HIVEP1: variants seen among roughly 807,000 people sequenced by gnomAD.
HIVEP1 encodes the protein zinc finger protein 40.
In HIVEP1, 36 loss-of-function variants were observed where a neutral mutation model predicts 180.0. The ratio of observed to expected loss-of-function variants is 0.20; its 90% CI spans 0.15 to 0.26. The LOEUF is 0.26. Among genes scored for constraint, HIVEP1 ranks in the 10% least tolerant of loss-of-function variants. The pLI is 1.00. For missense variants in HIVEP1, 3,143 were observed against 3,268.7 expected, an observed-to-expected ratio of 0.96 and a Z score of 0.94; for synonymous variants, 1,239 against 1,239.0, an observed-to-expected ratio of 1.00 and a Z score of 0.00.
At chr6:12,108,306 C>G (rs944745695) in intron 3 of HIVEP1, among the ~76,000 whole-genome samples, 5 of 152,242 alleles carry the variant, frequency 3.3e-5, no homozygotes, top group African/African-American at 4.8e-5. Context: ...CCACCAGACT[C>G]AGGAGCCCAG....
In HIVEP1 at chr6:12,120,821, A is replaced by G. The variant is rs745702431; in HGVS notation, c.1026A>G (p.Arg342=). The G allele has an allele frequency of 6.2e-7, 1 of 1,614,172 alleles. No individual in the cohort carries two copies. The highest frequency in any genetic ancestry group is 2.2e-5 in the East Asian group (1 of 44,888). Residue 342 remains arginine (R), a synonymous_variant, in exon 4 of 9, where the codon AGA becomes AGG. Coordinates refer to ENST00000379388, the MANE Select transcript of HIVEP1 (RefSeq NM_002114.4). ...SSVGLTSPSS[R]SQVTPQNQQM... is the part of the protein sequence containing the mutation. The stretch of plus-strand genomic sequence containing the variant: ...TAGGCCTAACTTCACCTTCCAGTAG[A>G]TCTCAGGTTACTCCTCAAAACCAGC...
At chr6:12,176,628 C>T in the HIVEP1 span, among the ~76,000 whole-genome samples, 2 of 152,148 alleles carry the variant, frequency 1.3e-5, no homozygotes, top group Admixed American at 6.5e-5. Context: ...ATGAAGAAAG[C>T]GATGTCCAAA....
At chr6:12,094,627 C>T (rs995701789) in intron 3 of HIVEP1, among the ~76,000 whole-genome samples, 8 of 151,894 alleles carry the variant, frequency 5.3e-5, no homozygotes, top group Admixed American at 2.0e-4. Flanking sequence ...AAGTGACTTA[C>T]GTATCTTTAA....
At chr6:12,076,978 A>G (rs1460996037) in intron 2 of HIVEP1, among the ~76,000 whole-genome samples, 1 of 152,134 alleles carries the variant, frequency 6.6e-6, no homozygotes, top group Non-Finnish European at 1.5e-5. Flanking sequence ...AGTTTTCCGT[A>G]GAGGTGGATC....
At chr6:12,168,233 ATATATAT>A (rs1404250247), downstream of HIVEP1, among the ~76,000 whole-genome samples, 1 of 109,846 alleles carries the variant, frequency 9.1e-6, no homozygotes, top group African/African-American at 3.5e-5. Context: ...TATTATATAC[ATATATAT>A]TATATATACA....
chr6:12,121,452 G>C lies in HIVEP1; in HGVS notation c.1657G>C (p.Glu553Gln). 2 of 1,614,204 alleles carry C rather than the reference G, an allele frequency of 1.2e-6. No individual in the cohort carries two copies. The highest frequency in any genetic ancestry group is 1.7e-6 in the Non-Finnish European group (2 of 1,180,036). ...GDFLLQDRSA[E>Q]SQAVTELPKV... The stretch of plus-strand genomic sequence containing the variant: ...CTTTTTGCTACAGGACAGATCTGCA[G>C]AATCACAAGCTGTGACAGAGTTACC... Residue 553 changes from glutamate (E) to glutamine (Q), a missense_variant, in exon 4 of 9, where the codon GAA becomes CAA. By Grantham distance (29) the Glu-to-Gln change is conservative (BLOSUM62 2). Around this residue, in one of 12 missense-constraint regions of HIVEP1, gnomAD observed 365 missense variants for 344.4 expected, o/e 1.06. Coordinates refer to ENST00000379388, the MANE Select transcript of HIVEP1 (RefSeq NM_002114.4). The surrounding 1 kb of genome is among the most constrained non-coding windows in gnomAD (Gnocchi z 5.3).
chr6:12,206,807 CTAGGGAAGGCAGCTGGGTTTTGTG>C, the HIVEP1 span, among the ~76,000 whole-genome samples: 1 of 152,114 alleles, frequency 6.6e-6, no homozygotes, highest in Non-Finnish European at 1.5e-5. Flanking sequence ...GACTCCTTCC[CTAGGGAAGGCAGCTGGGTTTTGTG>C]CAGTTTCTAT....
In HIVEP1 at chr6:12,123,462, C is replaced by G; in HGVS notation, c.3667C>G (p.Pro1223Ala). The G allele has an allele frequency of 6.2e-7, 1 of 1,614,128 alleles. No homozygotes were observed. The highest frequency in any genetic ancestry group is 8.5e-7 in the Non-Finnish European group (1 of 1,179,996). The part of the protein sequence containing the change: ...SPSERHVLGQ[P>A]SRLVRQHNIQ... ...AAGTGAACGACATGTGTTAGGACAG[C>G]CCTCAAGACTTGTCCGGCAGCACAA... The change falls in exon 4 of 9, where the codon CCC becomes GCC. Residue 1223 changes from proline to alanine, a missense_variant. Around this residue, in one of 12 missense-constraint regions of HIVEP1, gnomAD observed 1,357 missense variants for 1,260.5 expected, o/e 1.08. Transcript: ENST00000379388.
intron 7 of HIVEP1, among the ~76,000 whole-genome samples, chr6:12,137,388 G>A (rs1758763061): frequency 6.6e-6 from 1 of 152,118 alleles, no homozygotes; most frequent in African/African-American, 2.4e-5. Flanking sequence ...AATTATCATG[G>A]ATTGTTTACA....
At chr6:12,177,858 T>G in the HIVEP1 span, among the ~76,000 whole-genome samples, 2 of 152,354 alleles carry the variant, frequency 1.3e-5, no homozygotes, top group African/African-American at 4.8e-5. Context: ...TACTAATACA[T>G]AAAATTTATA....
At chr6:12,056,666 C>T (rs74776153) in intron 2 of HIVEP1, among the ~76,000 whole-genome samples, 4,400 of 152,102 alleles carry the variant, frequency 0.029, 230 homozygotes, top group African/African-American at 0.1. Context: ...TTGTCCAGGA[C>T]TCTAGTGAAG....
At chr6:12,141,752 C>T (rs1183600943) in intron 7 of HIVEP1, among the ~76,000 whole-genome samples, 1 of 78,662 alleles carries the variant, frequency 1.3e-5, no homozygotes, top group Admixed American at 1.6e-4. Flanking sequence ...TCTGATAAAA[C>T]AGACTAAACC....
chr6:12,199,749 A>G, the HIVEP1 span, among the ~76,000 whole-genome samples: 2 of 152,200 alleles, frequency 1.3e-5, no homozygotes, highest in Non-Finnish European at 2.9e-5. Context: ...TATAAAATCT[A>G]TATGTTGTAC....
chr6:12,209,511 ACTT>A, the HIVEP1 span, among the ~76,000 whole-genome samples: 3 of 152,232 alleles, frequency 2.0e-5, no homozygotes, highest in Non-Finnish European at 4.4e-5. Flanking sequence ...TAAACATTTA[ACTT>A]CTTCATTAGA....
chr6:12,154,881 TTC>T (rs34125199), intron 7 of HIVEP1, among the ~76,000 whole-genome samples: 39,075 of 152,056 alleles, frequency 0.26, 6,056 homozygotes, highest in Non-Finnish European at 0.35. Flanking sequence ...AATTTGTATC[TTC>T]TCTCTCTCTT....
chr6:12,011,903 C>T (rs2113543214), upstream of HIVEP1: 1 of 139,630 alleles, frequency 7.2e-6, no homozygotes, highest in East Asian at 2.2e-4. Flanking sequence ...CCCGCGGCCT[C>T]CCCTCCTCCC....
chr6:12,051,522 A>G (rs924229908), intron 2 of HIVEP1, among the ~76,000 whole-genome samples: 5 of 151,954 alleles, frequency 3.3e-5, no homozygotes, highest in Non-Finnish European at 5.9e-5. Context: ...TGCCTTTACT[A>G]TGTGTGTGTA....
chr6:12,167,251 T>C (rs1760727833), downstream of HIVEP1, among the ~76,000 whole-genome samples: 2 of 152,034 alleles, frequency 1.3e-5, no homozygotes, highest in African/African-American at 4.8e-5. Flanking sequence ...ATCATTATTT[T>C]TGTTGGAAGA....
At chr6:12,155,328 A>G (rs1178228362) in intron 7 of HIVEP1, among the ~76,000 whole-genome samples, 1 of 152,118 alleles carries the variant, frequency 6.6e-6, no homozygotes, top group Non-Finnish European at 1.5e-5. Context: ...AACGTGTGCC[A>G]TGGTGGCTTG....
Sources: allele counts gnomAD v4.1 joint callset (sites outside exome capture counted in the v4.1 genomes callset), GRCh38; gene constraint gnomAD v4.1.1; regional missense constraint gnomAD v4.1.1; non-coding constraint Gnocchi (gnomAD v3.1); transcripts MANE v1.5; gene names NCBI Gene and HGNC (gene_info 2026-07-23, HGNC 2026-07-21).